Variants in TRMT2B observed in about 807,000 individuals in gnomAD.
The protein encoded by TRMT2B is tRNA (uracil-5-)-methyltransferase homolog B.
In TRMT2B, 34 loss-of-function variants were observed where a neutral mutation model predicts 39.7. The ratio of observed to expected loss-of-function variants is 0.86; its 90% CI spans 0.65 to 1.14. The LOEUF is 1.14. TRMT2B is among the 50% of genes most tolerant of loss of function. The pLI is 0.00. For missense variants in TRMT2B, 318 were observed against 377.2 expected (o/e 0.84, Z 1.30); for synonymous variants, 132 against 137.3 (o/e 0.96, Z 0.27).
chrX:101,038,133 C>T (rs2087950921), intron 4 of TRMT2B, 82 bp from the exon 5 acceptor site: 2 of 895,457 alleles, frequency 2.2e-6, no homozygotes, highest in Non-Finnish European at 3.2e-6. Flanking sequence ...TTTGGGAGGC[C>T]GAGGTGCGTG....
intron 4 of TRMT2B, among the ~76,000 whole-genome samples, chrX:101,040,786 G>A (rs147188184): frequency 4.0e-4 from 45 of 111,940 alleles, no homozygotes; most frequent in African/African-American, 1.4e-3. Flanking sequence ...TAACAAAAAC[G>A]CAAGGAAGAG....
intron 7 of TRMT2B, among the ~76,000 whole-genome samples, chrX:101,027,658 T>A (rs2087191697): frequency 9.0e-6 from 1 of 111,300 alleles, no homozygotes; most frequent in South Asian, 3.8e-4. Context: ...CACTTTTCTA[T>A]CTACTCTCAC....
chrX:101,041,084 A>G (rs2088206354), intron 4 of TRMT2B, among the ~76,000 whole-genome samples: 1 of 111,342 alleles, frequency 9.0e-6, no homozygotes, highest in African/African-American at 3.3e-5. Flanking sequence ...CACGCTTGTA[A>G]TCTCAGCCAC....
chrX:101,037,372 G>A, intron 5 of TRMT2B: 1 of 278,544 alleles, frequency 3.6e-6, no homozygotes, highest in Non-Finnish European at 6.3e-6. Flanking sequence ...CCATCATAGT[G>A]CAAAAGCAGC....
chrX:101,037,826 C>A, intron 5 of TRMT2B, 91 bp downstream of exon 5: 1 of 947,265 alleles, frequency 1.1e-6, no homozygotes, highest in Admixed American at 2.8e-5. Context: ...AGCATAGGGC[C>A]TGGTCCCTAG....
intron 4 of TRMT2B, 57 bp from the exon 5 acceptor site, chrX:101,038,108 C>T (rs1432889902): frequency 2.2e-5 from 25 of 1,130,628 alleles, no homozygotes; most frequent in Non-Finnish European, 2.9e-5. Context: ...TGGCTCACGC[C>T]TGTAATCCCA....
At chrX:101,023,879 ACT>A (rs774658105) in intron 7 of TRMT2B, among the ~76,000 whole-genome samples, 1 of 110,499 alleles carries the variant, frequency 9.0e-6, no homozygotes, top group Non-Finnish European at 1.9e-5. Flanking sequence ...ACGGAGTCTC[ACT>A]CTGTCACCTA....
rs781368142 is a variant in TRMT2B, at chrX:101,019,018, A to T, written c.1341T>A (p.Val447=). 8.3e-7 allele frequency: 1 copy of T among 1,209,724 alleles called. No individual in the cohort carries two copies. The highest frequency in any genetic ancestry group is 1.1e-6 in the Non-Finnish European group (1 of 893,617). ...IRNFRAIHTL[V]FVSCKLHGES... is the part of the protein sequence containing the mutation. The stretch of plus-strand genomic sequence containing the variant: ...CACCATGGAGCTTGCAGGAAACAAA[A>T]ACTAGCGTGTGGATGGCCCTGAAGT... Residue 447 remains valine, a synonymous_variant, in exon 13 of 14, where the codon GTT becomes GTA. Coordinates refer to ENST00000372936, the MANE Select transcript of TRMT2B (RefSeq NM_024917.6).
chrX:101,001,484 C>T, the TRMT2B span, among the ~76,000 whole-genome samples: 2 of 110,523 alleles, frequency 1.8e-5, no homozygotes, highest in Non-Finnish European at 3.8e-5. Context: ...AGTCCTCCCA[C>T]CTCAGCCTCC....
the TRMT2B span, among the ~76,000 whole-genome samples, chrX:100,978,624 GT>G: frequency 2.7e-4 from 28 of 102,654 alleles, no homozygotes; most frequent in South Asian, 8.5e-4. Flanking sequence ...CAGATCATGT[GT>G]TTTTTTTTTT....
chrX:101,000,303 G>A, the TRMT2B span, among the ~76,000 whole-genome samples: 53 of 109,814 alleles, frequency 4.8e-4, no homozygotes, highest in African/African-American at 1.8e-3. Flanking sequence ...TGTATTTTTA[G>A]TAGAGATGGG....
intron 9 of TRMT2B, 24 bp from the exon 10 acceptor site, chrX:101,021,339 G>A: frequency 6.8e-6 from 8 of 1,170,602 alleles, no homozygotes; most frequent in African/African-American, 1.8e-5. Context: ...AAAGAAGAAA[G>A]CATCTTGAGC....
At chrX:100,997,921 G>A in the TRMT2B span, among the ~76,000 whole-genome samples, 1 of 111,406 alleles carries the variant, frequency 9.0e-6, no homozygotes, top group African/African-American at 3.3e-5. Context: ...GGGACTCTGC[G>A]ATGTGTTTGG....
the TRMT2B span, among the ~76,000 whole-genome samples, chrX:100,979,693 G>C: frequency 9.0e-6 from 1 of 111,708 alleles, no homozygotes; most frequent in Non-Finnish European, 1.9e-5. Flanking sequence ...GCATTGAAGA[G>C]TTAGGTATTT....
the TRMT2B span, among the ~76,000 whole-genome samples, chrX:101,003,389 C>T: frequency 9.4e-6 from 1 of 106,553 alleles, no homozygotes; most frequent in Non-Finnish European, 1.9e-5. Flanking sequence ...GCTCTTGTTG[C>T]CCAGGCTGGA....
chrX:101,033,948 T>C lies in TRMT2B; in HGVS notation c.609+1665A>G, dbSNP rs775926745. Among the ~76,000 whole-genome samples, 410 of 109,411 alleles carry C rather than the reference T, an allele frequency of 3.7e-3. 2 individuals carry two copies. Among genetic ancestry groups the C allele is most frequent in the African/African-American group, 0.013 (387 of 30,075 alleles). On this transcript the variant is annotated intron_variant, in intron 7 of 13. Coordinates refer to ENST00000372936, the MANE Select transcript of TRMT2B (RefSeq NM_024917.6). ...ACCTCCGCCTCCTGGGTTCAAGGGA[T>C]TCTCCTGCCTCAACCTCCCAAGTAG... is the stretch of plus-strand genomic sequence containing the variant.
the TRMT2B span, among the ~76,000 whole-genome samples, chrX:100,980,717 T>C: frequency 2.4e-4 from 27 of 111,849 alleles, no homozygotes; most frequent in African/African-American, 6.5e-4. Context: ...GCCAGCACAA[T>C]ACCAGGTCTT....
At chrX:101,006,836 A>G (rs2086109380), downstream of TRMT2B, among the ~76,000 whole-genome samples, 1 of 111,053 alleles carries the variant, frequency 9.0e-6, no homozygotes, top group Non-Finnish European at 1.9e-5. Context: ...AAAGACTCAG[A>G]TGATTTTTAG....
intron 7 of TRMT2B, among the ~76,000 whole-genome samples, chrX:101,025,958 G>A (rs1361104508): frequency 2.2e-5 from 2 of 90,585 alleles, no homozygotes; most frequent in African/African-American, 8.4e-5. Flanking sequence ...AAAAGAGAAA[G>A]AAAAGAAAGA....
Sources: allele counts gnomAD v4.1 joint callset (sites outside exome capture counted in the v4.1 genomes callset), GRCh38; gene constraint gnomAD v4.1.1; transcripts MANE v1.5; gene names NCBI Gene and HGNC (gene_info 2026-07-23, HGNC 2026-07-21).